SIN3A: variants seen among roughly 807,000 people sequenced by gnomAD.
The protein encoded by SIN3A is SIN3 transcription regulator family member A.
A neutral mutation model predicts 146.1 loss-of-function variants in SIN3A; 14 were observed. That is an observed-to-expected ratio of 0.10 (90% CI 0.06 to 0.15). The LOEUF (loss-of-function observed/expected upper bound fraction) is 0.15, where lower values mean the gene tolerates loss of function less well. Among genes scored for constraint, SIN3A ranks in the 10% least tolerant of loss-of-function variants. The pLI is 1.00. For missense variants in SIN3A, 1,028 were observed against 1,576.0 expected (o/e 0.65, Z 5.89); for synonymous variants, 572 against 572.0 (o/e 1.00, Z 0.00).
intron 12 of SIN3A, 140 bp downstream of exon 12, chr15:75,399,900 A>G (rs1048651091): frequency 1.9e-5 from 12 of 637,128 alleles, no homozygotes; most frequent in Non-Finnish European, 3.4e-5. Context: ...TAAAGCATGG[A>G]AAGTACCACA....
At chr15:75,373,404 G>A (rs753411703) in intron 20 of SIN3A, among the ~76,000 whole-genome samples, 2 of 152,044 alleles carry the variant, frequency 1.3e-5, no homozygotes, top group Non-Finnish European at 2.9e-5. Context: ...TTTGAACAGC[G>A]CAGGGCCACT....
At chr15:75,454,905 G>T (rs932023709), upstream of SIN3A, 1 of 152,322 alleles carries the variant, frequency 6.6e-6, no homozygotes, top group Admixed American at 6.5e-5. Context: ...CCACCGATGC[G>T]AGCTCCTTGC....
chr15:75,421,040 A>G (rs1460602753), intron 3 of SIN3A: 1 of 152,236 alleles, frequency 6.6e-6, no homozygotes, highest in African/African-American at 2.4e-5. Context: ...GAAGGTGGGT[A>G]AAAACTGGTG....
chr15:75,402,071 A>T (rs941023288), intron 9 of SIN3A, 101 bp from the exon 10 acceptor site: 1 of 731,336 alleles, frequency 1.4e-6, no homozygotes, highest in Non-Finnish European at 2.4e-6. Flanking sequence ...CAGTTGTGTA[A>T]TCTCAGCTCA....
intron 10 of SIN3A, among the ~76,000 whole-genome samples, chr15:75,401,561 T>A (rs991255406): frequency 1.3e-5 from 2 of 152,080 alleles, no homozygotes; most frequent in Non-Finnish European, 2.9e-5. Flanking sequence ...TAATAATTTT[T>A]AAAAAAATTC....
chr15:75,390,186 C>T (rs2073172204), intron 15 of SIN3A, among the ~76,000 whole-genome samples: 1 of 152,158 alleles, frequency 6.6e-6, no homozygotes. Context: ...TCCCAGCCTG[C>T]ACAAGAGCAT....
At position 75,451,486 on chromosome 15, in the gene SIN3A, G is replaced by A. The variant is rs1428506531; in HGVS notation, c.-97C>T. ...CTCAGCGTGAGCCGCGAGCTCAGCA[G>A]GGAGGCCCCGAGAACGGCGCGGGGC... On this transcript the variant is annotated 5_prime_UTR_variant, in exon 1 of 21. Coordinates refer to ENST00000394947, the MANE Select transcript of SIN3A (RefSeq NM_001145358.2). The A allele has an allele frequency of 6.6e-6, 1 of 150,518 alleles. No homozygotes were observed. The highest frequency in any genetic ancestry group is 1.5e-5 in the Non-Finnish European group (1 of 67,592). 9.3% of individuals were successfully genotyped at this position (150,518 alleles called of 1,614,324 possible). A position where few individuals can be genotyped will look rare whatever the true frequency, so the allele number is the denominator to read the frequency against.
intron 1 of SIN3A, among the ~76,000 whole-genome samples, chr15:75,434,547 G>C (rs895659349): frequency 6.6e-6 from 1 of 152,028 alleles, no homozygotes; most frequent in African/African-American, 2.4e-5. Context: ...CTACTCAGGA[G>C]GCTGAGGCAC....
chr15:75,387,737 C>T (rs535236333), intron 16 of SIN3A, among the ~76,000 whole-genome samples: 1 of 151,918 alleles, frequency 6.6e-6, no homozygotes, highest in Admixed American at 6.5e-5. Context: ...TGAAAGACTT[C>T]GTTCCTAGCT....
intron 1 of SIN3A, among the ~76,000 whole-genome samples, chr15:75,432,834 G>A (rs1203509866): frequency 2.0e-5 from 3 of 152,152 alleles, no homozygotes; most frequent in African/African-American, 7.2e-5. Context: ...CCTGAAGTCA[G>A]GAGTTCGAGA....
intron 9 of SIN3A, among the ~76,000 whole-genome samples, chr15:75,406,069 T>G (rs1442977481): frequency 6.6e-6 from 1 of 152,208 alleles, no homozygotes; most frequent in African/African-American, 2.4e-5. Flanking sequence ...TTAAATCATC[T>G]GCCCTTCTGC....
Position 75,379,480 on chromosome 15 carries a change from T to C in SIN3A, c.3383+1149A>G, listed in dbSNP as rs138735067. On this transcript the variant is annotated intron_variant, in intron 19 of 20. Transcript: ENST00000394947. The stretch of plus-strand genomic sequence containing the variant: ...TTTCCTCACAGTACATAAATGTGCC[T>C]CCTTCCTCATATCATGGTGAGAGAC... Among the ~76,000 whole-genome samples the C allele has an allele frequency of 2.6e-5, 4 of 152,336 alleles. No homozygotes were observed. The East Asian group carries it at 5.8e-4, about 22-fold the overall frequency.
chr15:75,450,833 G>C (rs1234441900), intron 1 of SIN3A, among the ~76,000 whole-genome samples: 1 of 152,182 alleles, frequency 6.6e-6, no homozygotes, highest in Non-Finnish European at 1.5e-5. Context: ...GCTTTCCCTA[G>C]CACCTCCTCA....
chr15:75,370,470 A>G lies in SIN3A; in HGVS notation c.*1509T>C, dbSNP rs1057252715. The G allele has an allele frequency of 6.6e-6, 1 of 152,246 alleles. No homozygotes were observed. The highest frequency in any genetic ancestry group is 1.5e-5 in the Non-Finnish European group (1 of 68,038). 9.4% of individuals were successfully genotyped at this position (152,246 alleles called of 1,614,324 possible). A position where few individuals can be genotyped will look rare whatever the true frequency, so the allele number is the denominator to read the frequency against. On this transcript the variant is annotated 3_prime_UTR_variant, in exon 21 of 21. Coordinates refer to ENST00000394947, the MANE Select transcript of SIN3A (RefSeq NM_001145358.2). ...GTCTTTGTTCAGAAAGTCCAGGTTA[A>G]CCACATAGAAAAATCCTAATCATTC...
intron 1 of SIN3A, among the ~76,000 whole-genome samples, chr15:75,448,409 G>C (rs557289543): frequency 2.1e-4 from 32 of 151,318 alleles, no homozygotes; most frequent in African/African-American, 7.8e-4. Flanking sequence ...CAGGACAATC[G>C]CTAGAACCCG....
chr15:75,388,567 C>T (rs1228904339), intron 16 of SIN3A: 1 of 152,430 alleles, frequency 6.6e-6, no homozygotes, highest in Admixed American at 6.5e-5. Context: ...GGAGTTAAGA[C>T]TCCAAGCTCA....
At chr15:75,452,083 C>T (rs1051306529), upstream of SIN3A, among the ~76,000 whole-genome samples, 1 of 152,180 alleles carries the variant, frequency 6.6e-6, no homozygotes, top group Non-Finnish European at 1.5e-5. Flanking sequence ...GGAAGGCTAC[C>T]CCTGGCTCTC....
At chr15:75,434,118 A>G (rs1034720878) in intron 1 of SIN3A, among the ~76,000 whole-genome samples, 1 of 152,228 alleles carries the variant, frequency 6.6e-6, no homozygotes, top group Non-Finnish European at 1.5e-5. Context: ...GAAGAGAAGA[A>G]GTGAAGGAAG....
At chr15:75,398,007 G>A (rs963914067) in intron 12 of SIN3A, among the ~76,000 whole-genome samples, 1 of 152,132 alleles carries the variant, frequency 6.6e-6, no homozygotes, top group Non-Finnish European at 1.5e-5. Context: ...ACCTGCCAGT[G>A]GCCAGGCAGC....
Sources: allele counts gnomAD v4.1 joint callset (sites outside exome capture counted in the v4.1 genomes callset), GRCh38; gene constraint gnomAD v4.1.1; transcripts MANE v1.5; gene names NCBI Gene and HGNC (gene_info 2026-07-23, HGNC 2026-07-21).